ARID4B: variants seen among roughly 807,000 people sequenced by gnomAD.
ARID4B encodes AT-rich interactive domain-containing protein 4B.
In ARID4B, 26 loss-of-function variants were observed where a neutral mutation model predicts 147.5. The ratio of observed to expected loss-of-function variants is 0.18; its 90% confidence interval spans 0.13 to 0.24. The LOEUF (loss-of-function observed/expected upper bound fraction) is 0.24. Ranked by LOEUF, ARID4B falls within the 10% of genes least tolerant of loss-of-function variation. ARID4B has a pLI of 1.00. For missense variants in ARID4B, 1,179 were observed against 1,511.5 expected, an observed-to-expected ratio of 0.78 and a Z score of 3.65; for synonymous variants, 512 against 507.9, an observed-to-expected ratio of 1.01 and a Z score of -0.11.
In ARID4B at chr1:235,252,769, T is replaced by G. The variant is rs1316882603; in HGVS notation, c.315A>C (p.Ser105=). The part of the protein sequence containing the change: ...DGDEKTLRRS[S]LCLKGERHFA... ...AATGCCTCTCTCCTTTCAGGCACAG[T>G]GAAGATCGTCTCAGTGTCTTCTCAT... The change falls in exon 6 of 24, where the codon TCA becomes TCC. Residue 105 remains serine, a synonymous_variant. Coordinates refer to ENST00000264183, the MANE Select transcript of ARID4B (RefSeq NM_016374.6). The G allele has an allele frequency of 6.2e-7, 1 of 1,612,262 alleles. No homozygotes were observed.
intron 2 of ARID4B, among the ~76,000 whole-genome samples, chr1:235,297,566 G>A (rs1468830246): frequency 6.6e-6 from 1 of 152,122 alleles, no homozygotes; most frequent in Non-Finnish European, 1.5e-5. Context: ...GAAAACCTTT[G>A]TGTGAAAGTT....
At chr1:235,218,739 T>G (rs545980624) in intron 16 of ARID4B, among the ~76,000 whole-genome samples, 2 of 152,286 alleles carry the variant, frequency 1.3e-5, no homozygotes, top group Non-Finnish European at 2.9e-5. Flanking sequence ...AAATATATAT[T>G]TTTATACACA....
intron 9 of ARID4B, among the ~76,000 whole-genome samples, chr1:235,232,420 CA>C (rs201032974): frequency 6.7e-4 from 101 of 150,344 alleles, no homozygotes; most frequent in African/African-American, 2.4e-3. Flanking sequence ...AACTCCATCT[CA>C]AAAAAAAGTA....
intron 2 of ARID4B, among the ~76,000 whole-genome samples, chr1:235,321,077 A>C (rs149095442): frequency 6.6e-6 from 1 of 152,294 alleles, no homozygotes; most frequent in Non-Finnish European, 1.5e-5. Flanking sequence ...CAAAACCCAG[A>C]ACAATGTCCG....
chr1:235,172,876 AAAC>A lies in ARID4B; in HGVS notation c.3665-115_3665-113del. On this transcript the variant is annotated intron_variant, in intron 22 of 23. Transcript: ENST00000264183. ...ATAAGGTTGAGGCAGATGAACTAAA[AAAC>A]TAAGGCTTCTGAAATATTTGTTTTC... The A allele has an allele frequency of 1.2e-5, 10 of 851,562 alleles. No homozygotes were observed. The South Asian group carries it at 2.0e-4, about 17-fold the overall frequency. 52.8% of individuals were successfully genotyped at this position (851,562 alleles called of 1,614,324 possible).
In ARID4B at chr1:235,182,219, T is replaced by C; in HGVS notation, c.2700A>G (p.Glu900=). 1 of 1,613,536 alleles carries C rather than the reference T, an allele frequency of 6.2e-7. No individual in the cohort carries two copies. Among genetic ancestry groups the C allele is most frequent in the Non-Finnish European group, 8.5e-7 (1 of 1,179,908 alleles). ...RTTGFYSGFS[E]VAEKRIKLLN... ...AAAGTTTAATCCTTTTTTCTGCCACTTCTGAAAATCCTGAATAGAAACCAG... is the reference window on the plus strand; with the variant it reads ...AAAGTTTAATCCTTTTTTCTGCCACCTCTGAAAATCCTGAATAGAAACCAG... The change falls in exon 20 of 24, where the codon GAA becomes GAG. Residue 900 remains glutamate, a synonymous_variant. Transcript: ENST00000264183.
At chr1:235,303,944 G>T (rs1484357849) in intron 2 of ARID4B, among the ~76,000 whole-genome samples, 1 of 151,462 alleles carries the variant, frequency 6.6e-6, no homozygotes, top group African/African-American at 2.4e-5. Flanking sequence ...ATTTTTTTTT[G>T]GCACATATAA....
rs1296941306 is a variant in ARID4B at position 235,167,125 on chromosome 1, G to A, written c.*1400C>T. ...TAGTTACTGTAAGCACACACTACAAGACTGAAAATGCTTTTCTTAGAAAAG... is the reference window on the plus strand; with the variant it reads ...TAGTTACTGTAAGCACACACTACAAAACTGAAAATGCTTTTCTTAGAAAAG... On this transcript the variant is annotated 3_prime_UTR_variant, in exon 24 of 24. Coordinates refer to ENST00000264183, the MANE Select transcript of ARID4B (RefSeq NM_016374.6). 1 of 193,690 alleles carries A rather than the reference G, an allele frequency of 5.2e-6. No individual in the cohort carries two copies. Among genetic ancestry groups the A allele is most frequent in the Non-Finnish European group, 1.1e-5 (1 of 92,692 alleles). The allele number at this position is 193,690 out of a possible 1,614,324, so 12.0% of individuals were successfully genotyped here.
At position 235,194,032 on chromosome 1, in the gene ARID4B, C is replaced by T. The variant is rs143667158; in HGVS notation, c.2106G>A (p.Ser702=). The T allele has an allele frequency of 2.0e-5, 32 of 1,606,134 alleles. No individual in the cohort carries two copies. In the African/African-American group the frequency reaches 2.3e-4, roughly 11 times the overall value. The change falls in exon 19 of 24, where the codon TCG becomes TCA. Residue 702 remains serine, a synonymous_variant. Transcript: ENST00000264183. ...TAHIKSIEIT[S]ILNGLQASES... Reference sequence around the variant, plus strand: ...GTTTACCTTGAAGTCCATTAAGGATCGAAGTAATTTCTATGGACTTAATAT... The same window carrying T: ...GTTTACCTTGAAGTCCATTAAGGATTGAAGTAATTTCTATGGACTTAATAT...
chr1:235,289,062 C>T (rs1256802691), intron 2 of ARID4B, among the ~76,000 whole-genome samples: 1 of 152,140 alleles, frequency 6.6e-6, no homozygotes, highest in African/African-American at 2.4e-5. Context: ...GAATAAATGG[C>T]CAAATTCATC....
rs531539070 is a variant in ARID4B at position 235,321,905 on chromosome 1, C to T, written c.6+5009G>A. 4.6e-5 allele frequency among the ~76,000 whole-genome samples: 7 copies of T among 152,100 alleles called. No individual in the cohort carries two copies. In the South Asian group the frequency reaches 1.5e-3, roughly 32 times the overall value. On this transcript the variant is annotated intron_variant, in intron 2 of 23. Coordinates refer to ENST00000264183, the MANE Select transcript of ARID4B (RefSeq NM_016374.6). The stretch of plus-strand genomic sequence containing the variant: ...CACTTGGACTTCTTACCTGGAATTT[C>T]CATCCTTACATTCAGCTCTCCCCTT...
chr1:235,318,026 T>C (rs1213996051), intron 2 of ARID4B, among the ~76,000 whole-genome samples: 1 of 152,088 alleles, frequency 6.6e-6, no homozygotes, highest in African/African-American at 2.4e-5. Context: ...CAAATGCTCA[T>C]AGCAGCATTA....
chr1:235,231,425 C>A (rs919853314), intron 9 of ARID4B, among the ~76,000 whole-genome samples: 10 of 152,180 alleles, frequency 6.6e-5, no homozygotes, highest in African/African-American at 2.4e-4. Flanking sequence ...TTTATAAACA[C>A]CAACGTGTTC....
intron 17 of ARID4B, among the ~76,000 whole-genome samples, chr1:235,210,536 A>G (rs1666646101): frequency 6.7e-6 from 1 of 148,442 alleles, no homozygotes; most frequent in African/African-American, 2.5e-5. Context: ...CTTATTTATC[A>G]ATAAGACAGA....
At chr1:235,176,360 T>C (rs1663866571) in intron 21 of ARID4B, among the ~76,000 whole-genome samples, 1 of 137,738 alleles carries the variant, frequency 7.3e-6, no homozygotes, top group Non-Finnish European at 1.5e-5. Context: ...ACTTTAAATA[T>C]CCTACCAGTT....
chr1:235,214,136 C>T, intron 16 of ARID4B, 110 bp from the exon 17 acceptor site: 6 of 1,354,674 alleles, frequency 4.4e-6, no homozygotes, highest in Non-Finnish European at 5.9e-6. Context: ...CCAGGAAAAG[C>T]AGGTTCCACG....
At position 235,202,673 on chromosome 1, in the gene ARID4B, C is replaced by T. The variant is rs193265993; in HGVS notation, c.1842-6558G>A. On this transcript the variant is annotated intron_variant, in intron 17 of 23. Transcript: ENST00000264183. Reference sequence around the variant, plus strand: ...CAAGTGATTCTCCTGCCTCAGCCCCCTGAGTAGCTGGGATTACAGGTGTGT... The same window carrying T: ...CAAGTGATTCTCCTGCCTCAGCCCCTTGAGTAGCTGGGATTACAGGTGTGT... Among the ~76,000 whole-genome samples, 163 of 152,036 alleles carry T rather than the reference C, an allele frequency of 1.1e-3. No individual in the cohort carries two copies. The Middle Eastern group carries it at 0.027, about 25-fold the overall frequency.
intron 17 of ARID4B, among the ~76,000 whole-genome samples, chr1:235,211,284 T>A (rs922221339): frequency 2.0e-5 from 3 of 151,846 alleles, no homozygotes; most frequent in African/African-American, 7.3e-5. Context: ...TGAGCCAAGA[T>A]CCAGCCACTG....
chr1:235,194,387 C>A (rs1203426929), intron 18 of ARID4B, among the ~76,000 whole-genome samples, 176 bp from the exon 19 acceptor site: 1 of 152,116 alleles, frequency 6.6e-6, no homozygotes, highest in Non-Finnish European at 1.5e-5. Flanking sequence ...TAACAAAATA[C>A]TACACAGGAT....
Sources: allele counts gnomAD v4.1 joint callset (sites outside exome capture counted in the v4.1 genomes callset), GRCh38; gene constraint gnomAD v4.1.1; transcripts MANE v1.5; gene names NCBI Gene and HGNC (gene_info 2026-07-23, HGNC 2026-07-21).